Variants in TAFA2 observed in about 807,000 individuals in gnomAD.
The protein encoded by TAFA2 is TAFA chemokine like family member 2.
Under a neutral mutation model 18.8 loss-of-function variants are expected in TAFA2, and 7 were observed. The ratio of observed to expected loss-of-function variants is 0.37; its 90% CI spans 0.21 to 0.70. The LOEUF (loss-of-function observed/expected upper bound fraction) is 0.70. TAFA2 is among the 30% of genes least tolerant of loss of function. The pLI is 0.53. For missense variants in TAFA2, 122 were observed against 158.1 expected (o/e 0.77, Z 1.23); for synonymous variants, 60 against 54.2 (o/e 1.11, Z -0.47).
intron 1 of TAFA2, among the ~76,000 whole-genome samples, chr12:62,181,999 C>CG (rs1565772539): frequency 6.7e-6 from 1 of 150,284 alleles, no homozygotes; most frequent in Non-Finnish European, 1.5e-5. Context: ...ATCCCCCCCC[C>CG]GCTACACATA....
chr12:61,873,915 T>TTG (rs1176188883), intron 1 of TAFA2, among the ~76,000 whole-genome samples: 2 of 152,166 alleles, frequency 1.3e-5, no homozygotes, highest in African/African-American at 4.8e-5. Flanking sequence ...CTCATGTAAG[T>TTG]TGTATATATA....
At chr12:62,071,393 A>C (rs1337668063) in intron 1 of TAFA2, among the ~76,000 whole-genome samples, 1 of 152,002 alleles carries the variant, frequency 6.6e-6, no homozygotes, top group Non-Finnish European at 1.5e-5. Context: ...AAGCCTGAGT[A>C]AGGAGAGTGA....
At chr12:61,743,322 C>A (rs914818241) in intron 4 of TAFA2, among the ~76,000 whole-genome samples, 3 of 152,060 alleles carry the variant, frequency 2.0e-5, no homozygotes, top group African/African-American at 7.2e-5. Flanking sequence ...CTTAAGGCAG[C>A]CCATTCAATG....
intron 1 of TAFA2, among the ~76,000 whole-genome samples, chr12:61,952,664 T>G (rs1015865902): frequency 1.3e-5 from 2 of 152,112 alleles, no homozygotes; most frequent in African/African-American, 4.8e-5. Context: ...TATATAAACT[T>G]CATGTATCTA....
intron 1 of TAFA2, among the ~76,000 whole-genome samples, chr12:62,050,895 A>T (rs531886899): frequency 6.6e-6 from 1 of 152,162 alleles, no homozygotes; most frequent in African/African-American, 2.4e-5. Flanking sequence ...AGTGCTGGTT[A>T]TCAAACCTTT....
intron 3 of TAFA2, among the ~76,000 whole-genome samples, chr12:61,754,153 C>A (rs1255357447): frequency 6.6e-6 from 1 of 151,840 alleles, no homozygotes; most frequent in Admixed American, 6.6e-5. Flanking sequence ...GGACCTATGA[C>A]CAGTTTTTAG....
chr12:61,915,744 T>C (rs757215138), intron 1 of TAFA2, among the ~76,000 whole-genome samples: 8 of 152,172 alleles, frequency 5.3e-5, no homozygotes, highest in Admixed American at 2.0e-4. Flanking sequence ...TCTGAGGAGA[T>C]GGATGTCCCA....
intron 2 of TAFA2, among the ~76,000 whole-genome samples, chr12:61,864,040 G>A (rs1874237270): frequency 6.6e-6 from 1 of 152,016 alleles, no homozygotes; most frequent in Non-Finnish European, 1.5e-5. Flanking sequence ...TGCTTCACTT[G>A]CTCTCATTCT....
At chr12:61,898,338 G>A (rs1875945132) in intron 1 of TAFA2, among the ~76,000 whole-genome samples, 1 of 152,252 alleles carries the variant, frequency 6.6e-6, no homozygotes, top group Admixed American at 6.5e-5. Context: ...CAGTGCTCCA[G>A]TGGGGACTCT....
intron 4 of TAFA2, among the ~76,000 whole-genome samples, chr12:61,724,794 T>TATACGCCAGATGG: frequency 7.8e-6 from 1 of 128,936 alleles, no homozygotes; most frequent in African/African-American, 3.1e-5. Flanking sequence ...TGTGTGTGTG[T>TATACGCCAGATGG]GTGTGTGTAT....
At chr12:62,159,732 A>C (rs1490353190) in intron 1 of TAFA2, among the ~76,000 whole-genome samples, 3 of 152,130 alleles carry the variant, frequency 2.0e-5, no homozygotes, top group Non-Finnish European at 4.4e-5. Context: ...GGGATGAGGG[A>C]TAAAAGACTA....
intron 1 of TAFA2, among the ~76,000 whole-genome samples, chr12:61,932,000 C>T (rs986287459): frequency 1.6e-4 from 24 of 152,166 alleles, no homozygotes; most frequent in Admixed American, 1.3e-3. Flanking sequence ...TGCCTCATAC[C>T]TTTTTCACCT....
At chr12:62,202,361 T>C (rs1245660) in intron 1 of TAFA2, among the ~76,000 whole-genome samples, 17,580 of 151,904 alleles carry the variant, frequency 0.12, 1,297 homozygotes, top group East Asian at 0.18. Flanking sequence ...TTTTTTTTCT[T>C]TTTGAGACAG....
intron 1 of TAFA2, among the ~76,000 whole-genome samples, chr12:61,888,560 A>G (rs530356729): frequency 4.6e-5 from 7 of 152,268 alleles, no homozygotes; most frequent in Non-Finnish European, 1.0e-4. Context: ...GTTTCCAAGG[A>G]TAACAACTCA....
At chr12:62,211,775 T>C (rs966770296) in intron 1 of TAFA2, among the ~76,000 whole-genome samples, 2 of 152,144 alleles carry the variant, frequency 1.3e-5, no homozygotes, top group Non-Finnish European at 2.9e-5. Context: ...AGACTATAGA[T>C]ATAGATTAGA....
chr12:62,245,579 T>C (rs2062881067), intron 1 of TAFA2, among the ~76,000 whole-genome samples: 1 of 149,128 alleles, frequency 6.7e-6, no homozygotes. Context: ...TGTTGAAATA[T>C]ATATATACAC....
At chr12:61,767,430 C>T (rs1325511751) in intron 2 of TAFA2, among the ~76,000 whole-genome samples, 1 of 152,030 alleles carries the variant, frequency 6.6e-6, no homozygotes, top group Non-Finnish European at 1.5e-5. Context: ...TTTACTGTTT[C>T]CTGTATCTAA....
chr12:62,007,817 T>G (rs1880607676), intron 1 of TAFA2, among the ~76,000 whole-genome samples: 1 of 118,826 alleles, frequency 8.4e-6, no homozygotes, highest in African/African-American at 3.1e-5. Flanking sequence ...ACCTCAAACA[T>G]TTATCATTTC....
chr12:61,794,068 A>G (rs1050259716), intron 2 of TAFA2, among the ~76,000 whole-genome samples: 1 of 151,960 alleles, frequency 6.6e-6, no homozygotes, highest in Non-Finnish European at 1.5e-5. Flanking sequence ...TTGATGAAGC[A>G]TATCTATGGA....
Sources: allele counts gnomAD v4.1 joint callset (sites outside exome capture counted in the v4.1 genomes callset), GRCh38; gene constraint gnomAD v4.1.1; transcripts MANE v1.5; gene names NCBI Gene and HGNC (gene_info 2026-07-23, HGNC 2026-07-21).